The following SEMA5A variants were observed in gnomAD, a reference collection of about 807,000 sequenced individuals.
SEMA5A encodes the protein semaphorin 5A.
A neutral mutation model predicts 135.5 loss-of-function variants in SEMA5A; 55 were observed. That is an observed-to-expected ratio of 0.41 (90% CI 0.33 to 0.51). The LOEUF is 0.51. SEMA5A is among the 20% of genes least tolerant of loss of function. The pLI is 0.37. For missense variants in SEMA5A, 1,290 were observed against 1,419.9 expected (o/e 0.91, Z 1.47); for synonymous variants, 580 against 546.5 (o/e 1.06, Z -0.85).
chr5:9,328,382 G>GATT (rs1276196004), intron 4 of SEMA5A, among the ~76,000 whole-genome samples: 1 of 152,196 alleles, frequency 6.6e-6, no homozygotes, highest in African/African-American at 2.4e-5. Context: ...ATGCAAATAT[G>GATT]ATTATGTGAA....
At chr5:9,436,437 C>T (rs551846702) in intron 2 of SEMA5A, among the ~76,000 whole-genome samples, 36 of 152,238 alleles carry the variant, frequency 2.4e-4, no homozygotes, top group African/African-American at 5.3e-4. Flanking sequence ...AACGTAAGGA[C>T]GACACAGGAG....
chr5:9,150,384 T>G (rs1742567682), intron 12 of SEMA5A, among the ~76,000 whole-genome samples: 4 of 152,178 alleles, frequency 2.6e-5, no homozygotes. Context: ...GTTTCTCTGG[T>G]ACTCTACATC....
chr5:9,543,260 A>G (rs1324164597), intron 1 of SEMA5A, among the ~76,000 whole-genome samples: 1 of 152,204 alleles, frequency 6.6e-6, no homozygotes, highest in African/African-American at 2.4e-5. Context: ...ACGGGGCTTC[A>G]GAAGGCCCAT....
chr5:9,300,347 G>T (rs1330793019), intron 5 of SEMA5A, among the ~76,000 whole-genome samples: 6 of 152,190 alleles, frequency 3.9e-5, no homozygotes, highest in African/African-American at 1.4e-4. Context: ...CATTTCTAAT[G>T]CCATGTCCTG....
chr5:9,081,414 G>A (rs781457882), intron 16 of SEMA5A, among the ~76,000 whole-genome samples: 11 of 152,080 alleles, frequency 7.2e-5, no homozygotes, highest in Non-Finnish European at 1.5e-4. Flanking sequence ...ATTTATGTAT[G>A]TATGTGTATA....
At chr5:9,353,722 C>A (rs1754318579) in intron 3 of SEMA5A, among the ~76,000 whole-genome samples, 1 of 152,178 alleles carries the variant, frequency 6.6e-6, no homozygotes, top group Non-Finnish European at 1.5e-5. Context: ...ACCCTCTTCA[C>A]AAGTTGAGTA....
intron 3 of SEMA5A, among the ~76,000 whole-genome samples, chr5:9,340,142 T>G (rs980144322): frequency 1.3e-5 from 2 of 152,198 alleles, no homozygotes; most frequent in African/African-American, 4.8e-5. Flanking sequence ...CCACAGCCAT[T>G]GTTAAACATC....
At chr5:9,086,509 G>T (rs553653500) in intron 16 of SEMA5A, among the ~76,000 whole-genome samples, 5 of 152,174 alleles carry the variant, frequency 3.3e-5, no homozygotes, top group Non-Finnish European at 7.3e-5. Context: ...CATTTGAGAT[G>T]TGCCTTTCAC....
At chr5:9,512,024 G>C (rs1736230805) in intron 1 of SEMA5A, 1 of 152,082 alleles carries the variant, frequency 6.6e-6, no homozygotes, top group South Asian at 2.1e-4. Flanking sequence ...GAAAAGTCTT[G>C]GAAACATCCT....
At chr5:9,386,203 T>C (rs1248866294) in intron 2 of SEMA5A, among the ~76,000 whole-genome samples, 1 of 152,142 alleles carries the variant, frequency 6.6e-6, no homozygotes, top group Non-Finnish European at 1.5e-5. Context: ...AGAGTCGCCT[T>C]CCAGACTGAA....
intron 11 of SEMA5A, among the ~76,000 whole-genome samples, chr5:9,176,671 GA>G (rs1744222066): frequency 6.6e-6 from 1 of 152,156 alleles, no homozygotes; most frequent in African/African-American, 2.4e-5. Flanking sequence ...TGCTCTTGTT[GA>G]AAAAAGGGGC....
intron 10 of SEMA5A, among the ~76,000 whole-genome samples, chr5:9,192,984 G>A (rs1421313384): frequency 6.6e-6 from 1 of 150,542 alleles, no homozygotes; most frequent in Non-Finnish European, 1.5e-5. Flanking sequence ...TCGGTGGCAG[G>A]GGTGAGGCAG....
chr5:9,521,390 A>C (rs940128148), intron 1 of SEMA5A, among the ~76,000 whole-genome samples: 2 of 152,278 alleles, frequency 1.3e-5, no homozygotes, highest in African/African-American at 4.8e-5. Flanking sequence ...AGCCTGGGCA[A>C]CAGAGTGAGA....
chr5:9,242,601 T>A (rs42348), intron 5 of SEMA5A, among the ~76,000 whole-genome samples: 25,676 of 151,938 alleles, frequency 0.17, 2,220 homozygotes, highest in Middle Eastern at 0.29. Context: ...ACACTAGACT[T>A]TGAGGACTTA....
chr5:9,252,348 T>C (rs1319623612), intron 5 of SEMA5A, among the ~76,000 whole-genome samples: 1 of 152,122 alleles, frequency 6.6e-6, no homozygotes, highest in Non-Finnish European at 1.5e-5. Flanking sequence ...TGAAAGTACA[T>C]GGAAAACACA....
rs147269737 is a variant in SEMA5A at position 9,123,908 on chromosome 5, G to A, written c.1600-1071C>T. Among the ~76,000 whole-genome samples the A allele has an allele frequency of 3.3e-4, 51 of 152,256 alleles. No homozygotes were observed. The East Asian group carries it at 9.9e-3, about 30-fold the overall frequency. Reference sequence around the variant, plus strand: ...ACGAACAGGGGCTATCGGAGCAGAGGAGAGAACACCCAACATGCTCACAAG... The same window carrying A: ...ACGAACAGGGGCTATCGGAGCAGAGAAGAGAACACCCAACATGCTCACAAG... On this transcript the variant is annotated intron_variant, in intron 13 of 22. Transcript: ENST00000382496.
At chr5:9,448,106 A>G (rs1758499830) in intron 1 of SEMA5A, among the ~76,000 whole-genome samples, 1 of 152,160 alleles carries the variant, frequency 6.6e-6, no homozygotes, top group Admixed American at 6.5e-5. Flanking sequence ...TTCCCAACAC[A>G]TACCCTTAAA....
At chr5:9,267,764 C>T (rs531270060) in intron 5 of SEMA5A, among the ~76,000 whole-genome samples, 18 of 151,986 alleles carry the variant, frequency 1.2e-4, no homozygotes, top group African/African-American at 3.9e-4. Context: ...CATCTCTGGC[C>T]GGGGTGGGCA....
chr5:9,324,158 T>TC (rs1752765910), intron 4 of SEMA5A, among the ~76,000 whole-genome samples: 1 of 151,918 alleles, frequency 6.6e-6, no homozygotes, highest in African/African-American at 2.4e-5. Flanking sequence ...AAGCTCTGCC[T>TC]CCTGGGTTCA....
Sources: allele counts gnomAD v4.1 joint callset (sites outside exome capture counted in the v4.1 genomes callset), GRCh38; gene constraint gnomAD v4.1.1; transcripts MANE v1.5; gene names NCBI Gene and HGNC (gene_info 2026-07-23, HGNC 2026-07-21).